Variants in GNG7 observed in about 807,000 individuals in gnomAD.
The protein encoded by GNG7 is G protein subunit gamma 7, also known as guanine nucleotide-binding protein G(I)/G(S)/G(O) subunit gamma-7.
A neutral mutation model predicts 4.0 loss-of-function variants in GNG7; 1 was observed. The ratio of observed to expected loss-of-function variants is 0.25; its 90% CI spans 0.09 to 1.18. The LOEUF (loss-of-function observed/expected upper bound fraction) is 1.18, where lower values mean the gene tolerates loss of function less well. Ranked by LOEUF, GNG7 falls within the 50% of genes most tolerant of loss-of-function variation. The pLI is 0.50. For synonymous variants in GNG7, 34 were observed against 36.9 expected (o/e 0.92, Z 0.29); for missense variants, 86 against 91.9 (o/e 0.94, Z 0.26).
At chr19:2,664,066 G>A (rs530322984) in intron 1 of GNG7, among the ~76,000 whole-genome samples, 2 of 152,214 alleles carry the variant, frequency 1.3e-5, no homozygotes. Flanking sequence ...GACAGCCAGG[G>A]ACCTGACATT....
At position 2,513,928 on chromosome 19, in the gene GNG7, G is replaced by C. The variant is rs559482615; in HGVS notation, c.*1094C>G. On this transcript the variant is annotated 3_prime_UTR_variant, in exon 5 of 5. Transcript: ENST00000382159. ...TCATGCTTAAAACACACTGGGCGCG[G>C]TGGCTCATGCCTGTAATCCCAGCAC... The C allele has an allele frequency of 3.3e-5, 5 of 152,550 alleles. No homozygotes were observed. The highest frequency in any genetic ancestry group is 9.6e-5 in the African/African-American group (4 of 41,586). The allele number at this position is 152,550 out of a possible 1,614,324, so 9.4% of individuals were successfully genotyped here. A position where few individuals can be genotyped will look rare whatever the true frequency, so the allele number is the denominator to read the frequency against.
At chr19:2,590,621 C>G (rs1980819078) in intron 2 of GNG7, among the ~76,000 whole-genome samples, 2 of 140,860 alleles carry the variant, frequency 1.4e-5, no homozygotes, top group South Asian at 2.4e-4. Flanking sequence ...ATCCATCTAT[C>G]CATTCATCCA....
At chr19:2,700,198 A>G (rs1913366388) in intron 1 of GNG7, among the ~76,000 whole-genome samples, 2 of 150,040 alleles carry the variant, frequency 1.3e-5, no homozygotes, top group East Asian at 2.0e-4. Flanking sequence ...CTGGAGTGCA[A>G]TGGCGTGATC....
At chr19:2,598,965 C>A (rs906120939) in intron 2 of GNG7, among the ~76,000 whole-genome samples, 2 of 152,192 alleles carry the variant, frequency 1.3e-5, no homozygotes, top group Admixed American at 1.3e-4. Context: ...AGAAGCATCT[C>A]CAAAATTGGA....
At chr19:2,688,765 G>T (rs1314154768) in intron 1 of GNG7, among the ~76,000 whole-genome samples, 2 of 152,020 alleles carry the variant, frequency 1.3e-5, no homozygotes, top group African/African-American at 2.4e-5. Flanking sequence ...GTGGAGTTGA[G>T]AGAAATGAAC....
intron 2 of GNG7, among the ~76,000 whole-genome samples, chr19:2,587,150 G>T (rs963713334): frequency 1.3e-5 from 2 of 152,060 alleles, no homozygotes; most frequent in Admixed American, 1.3e-4. Flanking sequence ...AGGACCCCTG[G>T]GTTGGAGGTT....
At chr19:2,657,356 AAAAAAATATATATATAT>A (rs1359645433) in intron 1 of GNG7, among the ~76,000 whole-genome samples, 19 of 22,682 alleles carry the variant, frequency 8.4e-4, no homozygotes, top group South Asian at 3.2e-3. Context: ...AAAAAAAAAA[AAAAAAATATATATATAT>A]ATATATATAT....
intron 1 of GNG7, among the ~76,000 whole-genome samples, chr19:2,660,110 T>A (rs1983109119): frequency 6.6e-6 from 1 of 152,128 alleles, no homozygotes; most frequent in Non-Finnish European, 1.5e-5. Context: ...CTCTGTCGGA[T>A]TACTCACAGA....
At chr19:2,629,700 G>A (rs1434381201) in intron 2 of GNG7, among the ~76,000 whole-genome samples, 2 of 152,216 alleles carry the variant, frequency 1.3e-5, no homozygotes, top group African/African-American at 2.4e-5. Flanking sequence ...CCACATCAAC[G>A]GTCAAAGTCT....
chr19:2,550,148 AG>A (rs1979269533), intron 3 of GNG7, among the ~76,000 whole-genome samples: 1 of 151,982 alleles, frequency 6.6e-6, no homozygotes, highest in African/African-American at 2.4e-5. Context: ...ACTGGCTCAC[AG>A]GAAGTGGGTA....
intron 3 of GNG7, among the ~76,000 whole-genome samples, chr19:2,525,087 C>A (rs192373402): frequency 2.0e-5 from 3 of 152,316 alleles, no homozygotes; most frequent in African/African-American, 7.2e-5. Context: ...AGCAGCAGAA[C>A]TGGCCACGCA....
At chr19:2,596,696 T>G (rs1215889460) in intron 2 of GNG7, among the ~76,000 whole-genome samples, 1 of 146,566 alleles carries the variant, frequency 6.8e-6, no homozygotes, top group Non-Finnish European at 1.5e-5. Flanking sequence ...TGGGCAAATA[T>G]CGACCCAGTT....
chr19:2,540,999 G>A (rs1405490518), intron 3 of GNG7, among the ~76,000 whole-genome samples: 1 of 152,268 alleles, frequency 6.6e-6, no homozygotes, highest in Admixed American at 6.5e-5. Flanking sequence ...GCTTCTGAGA[G>A]CTGGCCGGGG....
intron 2 of GNG7, among the ~76,000 whole-genome samples, chr19:2,593,581 T>C (rs1980915527): frequency 6.6e-6 from 1 of 151,824 alleles, no homozygotes; most frequent in Non-Finnish European, 1.5e-5. Context: ...TCGTCTCTAC[T>C]AAAAATACAA....
chr19:2,533,875 G>A (rs1978663879), intron 3 of GNG7, among the ~76,000 whole-genome samples: 1 of 152,130 alleles, frequency 6.6e-6, no homozygotes, highest in Admixed American at 6.6e-5. Context: ...AACAGGAAGT[G>A]AAAAACTCTG....
chr19:2,635,791 C>T (rs1360962135), intron 2 of GNG7, among the ~76,000 whole-genome samples: 1 of 152,114 alleles, frequency 6.6e-6, no homozygotes, highest in Non-Finnish European at 1.5e-5. Context: ...CCATGTTGGC[C>T]AGGATGGTCT....
intron 2 of GNG7, among the ~76,000 whole-genome samples, chr19:2,573,128 C>T (rs1328461432): frequency 7.3e-5 from 11 of 150,494 alleles, no homozygotes; most frequent in South Asian, 2.1e-4. Flanking sequence ...CAGGTTCAAG[C>T]GATTCTCCTG....
At chr19:2,689,622 C>CAAAA (rs58020172) in intron 1 of GNG7, among the ~76,000 whole-genome samples, 4 of 37,950 alleles carry the variant, frequency 1.1e-4, no homozygotes, top group Admixed American at 3.6e-4. Context: ...GACTCCAACT[C>CAAAA]AAAAAAAAAA....
In GNG7 at chr19:2,653,940, G is replaced by A. The variant is rs935010264; in HGVS notation, c.-134-7660C>T. Among the ~76,000 whole-genome samples, 43 of 152,322 alleles carry A rather than the reference G, an allele frequency of 2.8e-4. 1 individual carries two copies. Among genetic ancestry groups the A allele is most frequent in the African/African-American group, 1.0e-3 (42 of 41,572 alleles). On this transcript the variant is annotated intron_variant, in intron 1 of 4. Coordinates refer to ENST00000382159, the MANE Select transcript of GNG7 (RefSeq NM_052847.3). The surrounding 1 kb of genome is among the most constrained non-coding windows in gnomAD (Gnocchi z 4.8). ...GAGGGGACAGCTCTCGCCTGCCTCG[G>A]CGAGCCCGGGTTCCAGAAGATGTGC...
Sources: allele counts gnomAD v4.1 joint callset (sites outside exome capture counted in the v4.1 genomes callset), GRCh38; gene constraint gnomAD v4.1.1; non-coding constraint Gnocchi (gnomAD v3.1); transcripts MANE v1.5; gene names NCBI Gene and HGNC (gene_info 2026-07-23, HGNC 2026-07-21).